NIBAN3: variants seen among roughly 807,000 people sequenced by gnomAD.
The protein encoded by NIBAN3 is niban apoptosis regulator 3.
A neutral mutation model predicts 76.4 loss-of-function variants in NIBAN3; 66 were observed. The ratio of observed to expected loss-of-function variants is 0.86; its 90% CI spans 0.71 to 1.06. The LOEUF (loss-of-function observed/expected upper bound fraction) is 1.06, where lower values mean the gene tolerates loss of function less well. NIBAN3 is among the 50% of genes least tolerant of loss of function. The pLI is 0.00. For synonymous variants in NIBAN3, 360 were observed against 355.2 expected (o/e 1.01, Z -0.15); for missense variants, 808 against 810.7 (o/e 1.00, Z 0.04).
chr19:17,537,681 C>A, intron 5 of NIBAN3, 138 bp downstream of exon 5: 1 of 772,836 alleles, frequency 1.3e-6, no homozygotes, highest in Non-Finnish European at 2.0e-6. Flanking sequence ...TGTGGTGGTT[C>A]ATGCCTGTAA....
intron 12 of NIBAN3, among the ~76,000 whole-genome samples, chr19:17,544,716 A>T (rs2076018345): frequency 6.6e-6 from 1 of 152,166 alleles, no homozygotes; most frequent in Admixed American, 6.6e-5. Context: ...AGTCCTAGGT[A>T]CCTAGGCACA....
chr19:17,525,363 A>C (rs1234847098), upstream of NIBAN3, among the ~76,000 whole-genome samples: 1 of 151,644 alleles, frequency 6.6e-6, no homozygotes, highest in African/African-American at 2.4e-5. Context: ...TCATTCATTC[A>C]TTCATGCACA....
intron 4 of NIBAN3, among the ~76,000 whole-genome samples, chr19:17,535,882 C>G: frequency 6.6e-6 from 1 of 151,876 alleles, no homozygotes; most frequent in East Asian, 1.9e-4. Flanking sequence ...CCAGCCTGGG[C>G]AGCAGAGGAA....
chr19:17,535,054 G>T (rs2075801672), intron 4 of NIBAN3, among the ~76,000 whole-genome samples: 1 of 152,198 alleles, frequency 6.6e-6, no homozygotes, highest in Non-Finnish European at 1.5e-5. Context: ...AATGTAGTCT[G>T]CTGAGATGTT....
chr19:17,537,406 T>C lies in NIBAN3; in HGVS notation c.458T>C (p.Leu153Pro). ...GDHTQEEPDS[L>P]LEVPVSFPLF... ...CATACTCAGGAAGAGCCTGACTCCC[T>C]CTTGGAAGTGCCTGTGAGCTTCCCG... The change falls in exon 5 of 15, where the codon CTC (leucine) becomes CCC (proline). Residue 153 changes from leucine (L) to proline (P), a missense_variant. Leu to Pro is a moderately conservative substitution (Grantham distance 98). Coordinates refer to ENST00000599164, the MANE Select transcript of NIBAN3 (RefSeq NM_001321827.2). 1 of 1,614,118 alleles carries C rather than the reference T, an allele frequency of 6.2e-7. No individual in the cohort carries two copies.
chr19:17,540,667 T>C, intron 9 of NIBAN3, 85 bp downstream of exon 9: 1 of 1,064,176 alleles, frequency 9.4e-7, no homozygotes. Flanking sequence ...TCACTGAATT[T>C]GTTCTAGGCT....
chr19:17,543,575 G>C lies in NIBAN3; in HGVS notation c.1498G>C (p.Gly500Arg), dbSNP rs149676710. 1 of 1,614,120 alleles carries C rather than the reference G, an allele frequency of 6.2e-7. No individual in the cohort carries two copies. The highest frequency in any genetic ancestry group is 1.1e-5 in the South Asian group (1 of 91,084). The change falls in exon 12 of 15, where the codon GGT becomes CGT. Residue 500 changes from glycine (G) to arginine (R), a missense_variant. By Grantham distance (125) the Gly-to-Arg change is moderately radical. Coordinates refer to ENST00000599164, the MANE Select transcript of NIBAN3 (RefSeq NM_001321827.2). ...LAQRRFIRGW[G>R]LCIFLPFVLS... The stretch of plus-strand genomic sequence containing the variant: ...GCAGAGGAGGTTCATCCGAGGCTGG[G>C]GTCTCTGCATCTTTTTACCTTTTGT...
intron 8 of NIBAN3, 76 bp from the exon 9 acceptor site, chr19:17,540,316 C>T (rs962479117): frequency 2.7e-6 from 3 of 1,127,178 alleles, no homozygotes; most frequent in African/African-American, 1.6e-5. Flanking sequence ...GCGTCCCCCT[C>T]GCGAGGGCCC....
At chr19:17,539,893 C>A (rs2075910130) in intron 8 of NIBAN3, 128 bp downstream of exon 8, 3 of 283,572 alleles carry the variant, frequency 1.1e-5, no homozygotes, top group Non-Finnish European at 1.8e-5. Context: ...GGGGCGGGGC[C>A]AAGCATAGGA....
chr19:17,525,477 G>T (rs1208112728), upstream of NIBAN3, among the ~76,000 whole-genome samples: 1 of 152,232 alleles, frequency 6.6e-6, no homozygotes, highest in Non-Finnish European at 1.5e-5. Flanking sequence ...CAGGTCAAAT[G>T]CTGGGACATA....
intron 14 of NIBAN3, among the ~76,000 whole-genome samples, chr19:17,551,468 CGCG>C (rs1599765642): frequency 6.6e-6 from 1 of 151,758 alleles, no homozygotes; most frequent in East Asian, 1.9e-4. Flanking sequence ...AGTGCAATGG[CGCG>C]ATCTCGGCTA....
intron 12 of NIBAN3, 157 bp from the exon 13 acceptor site, chr19:17,546,529 T>G: frequency 8.1e-7 from 1 of 1,231,846 alleles, no homozygotes; most frequent in Non-Finnish European, 1.0e-6. Context: ...TATTTTAAAA[T>G]AAAAATATTT....
intron 14 of NIBAN3, 21 bp from the exon 15 acceptor site, chr19:17,551,751 TGATTTTTGACGTCC>T (rs1329045143): frequency 1.3e-6 from 1 of 743,924 alleles, no homozygotes; most frequent in Non-Finnish European, 2.5e-6. Flanking sequence ...CTGACACATC[TGATTTTTGACGTCC>T]GTATATTTTC....
Position 17,543,395 on chromosome 19 carries a change from G to T in NIBAN3, c.1408G>T (p.Ala470Ser), listed in dbSNP as rs760303982. Residue 470 changes from alanine to serine, a missense_variant, in exon 11 of 15, where the codon GCC becomes TCC. Coordinates refer to ENST00000599164, the MANE Select transcript of NIBAN3 (RefSeq NM_001321827.2). ...GACGGCCCTCAACTGTGACCAGGCT[G>T]CCCAGAGGCTGGAGAGAGTCAGGGG... ...LTTALNCDQAAQRLERVRGRV... is the reference protein window; with the variant it reads ...LTTALNCDQASQRLERVRGRV... 5 of 1,610,870 alleles carry T rather than the reference G, an allele frequency of 3.1e-6. No individual in the cohort carries two copies. The highest frequency in any genetic ancestry group is 4.2e-6 in the Non-Finnish European group (5 of 1,177,546).
rs912012864 is a variant in NIBAN3 at position 17,542,552 on chromosome 19, C to T, written c.1329+258C>T. 6.6e-6 allele frequency among the ~76,000 whole-genome samples: 1 copy of T among 152,178 alleles called. No individual in the cohort carries two copies. Among genetic ancestry groups the T allele is most frequent in the Non-Finnish European group, 1.5e-5 (1 of 68,046 alleles). On this transcript the variant is annotated intron_variant, in intron 10 of 14. Transcript: ENST00000599164. The surrounding 1 kb of genome is among the most constrained non-coding windows in gnomAD (Gnocchi z 4.8). ...ACTTTCAGGAGGAGGGGACTTCCAA[C>T]ATGGGAGAGCAATGGGAGGAATGGC...
chr19:17,549,826 CT>C (rs1229491236), intron 14 of NIBAN3: 2,778 of 99,106 alleles, frequency 0.028, no homozygotes, highest in East Asian at 0.13. Flanking sequence ...CTCTCTCTCT[CT>C]TTTTTTTTTT....
chr19:17,523,869 CT>C (rs1216639419), upstream of NIBAN3, among the ~76,000 whole-genome samples: 10 of 152,130 alleles, frequency 6.6e-5, no homozygotes, highest in Non-Finnish European at 1.3e-4. Flanking sequence ...TTTCCTGCAG[CT>C]TTTTGCATGG....
chr19:17,530,943 C>T, intron 2 of NIBAN3, 58 bp downstream of exon 2: 2 of 1,558,404 alleles, frequency 1.3e-6, no homozygotes, highest in African/African-American at 1.4e-5. Flanking sequence ...TGGAGGAGCC[C>T]TCCCTAGGCC....
At position 17,538,731 on chromosome 19, in the gene NIBAN3, C is replaced by CAAGA. The variant is rs200278954; in HGVS notation, c.596-406_596-403dup. Among the ~76,000 whole-genome samples, 3 of 67,920 alleles carry CAAGA rather than the reference C, an allele frequency of 4.4e-5. No homozygotes were observed. The East Asian group carries it at 8.2e-4, about 19-fold the overall frequency. The allele number at this position is 67,920 out of a possible 152,430, so 44.6% of individuals were successfully genotyped here. A position where few individuals can be genotyped will look rare whatever the true frequency, so the allele number is the denominator to read the frequency against. ...AAGGAGAAAGAAAGAAGAAAGAAAG[C>CAAGA]AAGAAAGAAAGAAAGAGAAAGAAAG... On this transcript the variant is annotated intron_variant, in intron 5 of 14. Transcript: ENST00000599164.
Sources: gnomAD v4.1 joint callset for allele counts (sites outside exome capture counted in the v4.1 genomes callset) on GRCh38, gnomAD v4.1.1 for gene constraint, Gnocchi (gnomAD v3.1) non-coding constraint, MANE v1.5 for transcripts, NCBI Gene and HGNC (gene_info 2026-07-23, HGNC 2026-07-21) for gene names.